CNP: variants seen among roughly 807,000 people sequenced by gnomAD.
CNP encodes 2',3'-cyclic nucleotide 3' phosphodiesterase.
Under a neutral mutation model 37.9 loss-of-function variants are expected in CNP, and 8 were observed. That is an observed-to-expected ratio of 0.21 (90% CI 0.12 to 0.38). The LOEUF is 0.38. Among genes scored for constraint, CNP ranks in the 10% least tolerant of loss-of-function variants. The pLI is 1.00. For synonymous variants in CNP, 237 were observed against 238.3 expected (o/e 0.99, Z 0.05); for missense variants, 457 against 551.0 (o/e 0.83, Z 1.71).
chr17:41,967,691 A>G (rs2050922314), intron 1 of CNP: 1 of 1,041,432 alleles, frequency 9.6e-7, no homozygotes, highest in Non-Finnish European at 1.2e-6. Context: ...CTGTGCACTC[A>G]GCCGTGGCAG....
rs1288303750 is a variant in CNP at position 41,976,824 on chromosome 17, A to G, written c.*2900A>G. On this transcript the variant is annotated 3_prime_UTR_variant, in exon 4 of 4. Coordinates refer to ENST00000393892, the MANE Select transcript of CNP (RefSeq NM_033133.5). The stretch of plus-strand genomic sequence containing the variant: ...GGCTATGGATTTTCTAAGGAAGATC[A>G]CTTTGCTCTGATTATGGAAAAGTCT... 1.9e-6 allele frequency: 3 copies of G among 1,591,322 alleles called. No individual in the cohort carries two copies. Among genetic ancestry groups the G allele is most frequent in the Admixed American group, 3.9e-5 (2 of 51,932 alleles).
In CNP at chr17:41,968,723, A is replaced by G. The variant is rs1555643333; in HGVS notation, c.659A>G (p.Lys220Arg). 1 of 1,610,950 alleles carries G rather than the reference A, an allele frequency of 6.2e-7. No individual in the cohort carries two copies. Among genetic ancestry groups the G allele is most frequent in the Non-Finnish European group, 8.5e-7 (1 of 1,177,894 alleles). The change falls in exon 2 of 4, where the codon AAG (lysine) becomes AGG (arginine). Residue 220 changes from lysine to arginine, a missense_variant. Physicochemically the swap from Lys to Arg is conservative, Grantham distance 26. Coordinates refer to ENST00000393892, the MANE Select transcript of CNP (RefSeq NM_033133.5). The surrounding 1 kb of genome is among the most constrained non-coding windows in gnomAD (Gnocchi z 4.8). ...LEELGNHKAF[K>R]KELRQFVPGD... ...GAGCTGGGGAACCACAAGGCCTTCA[A>G]GAAGGAGCTGCGACAATGTAGGTGG...
chr17:41,966,867 G>T lies in CNP; in HGVS notation c.-18G>T. ...GCTGGTGCCGGCAGAGGCGGCGACG[G>T]TGGCGCCCCTCCTCATCATGGTGAG... On this transcript the variant is annotated 5_prime_UTR_variant, in exon 1 of 4. Coordinates refer to ENST00000393892, the MANE Select transcript of CNP (RefSeq NM_033133.5). 7.3e-7 allele frequency: 1 copy of T among 1,362,034 alleles called. No individual in the cohort carries two copies. The highest frequency in any genetic ancestry group is 9.4e-7 in the Non-Finnish European group (1 of 1,058,926). 84.4% of individuals were successfully genotyped at this position (1,362,034 alleles called of 1,614,324 possible).
chr17:41,968,671 C>A lies in CNP; in HGVS notation c.607C>A (p.Arg203Ser), dbSNP rs372512737. The A allele has an allele frequency of 1.2e-6, 2 of 1,614,084 alleles. No homozygotes were observed. Among genetic ancestry groups the A allele is most frequent in the South Asian group, 2.2e-5 (2 of 91,076 alleles). ...GACCAAGAAGAGCTCTGAGACCCTC[C>A]GCAAAGCCGGCCAGGTCTTCCTGGA... Reference protein sequence around the residue: ...FLTKKSSETLRKAGQVFLEEL... With the variant: ...FLTKKSSETLSKAGQVFLEEL... The change falls in exon 2 of 4, where the codon CGC becomes AGC. Residue 203 changes from arginine to serine, a missense_variant. This residue lies in a region of CNP where 291 missense variants were observed against 291.7 expected (regional missense o/e 1.00). Coordinates refer to ENST00000393892, the MANE Select transcript of CNP (RefSeq NM_033133.5). The surrounding 1 kb of genome is among the most constrained non-coding windows in gnomAD (Gnocchi z 4.8).
Position 41,973,603 on chromosome 17 carries a change from C to A in CNP, c.945C>A (p.Asp315Glu). 1 of 1,614,204 alleles carries A rather than the reference C, an allele frequency of 6.2e-7. No individual in the cohort carries two copies. ...QQLQLWPSDV[D>E]KLSPTDNLPR... The stretch of plus-strand genomic sequence containing the variant: ...TGCAGTTGTGGCCGAGTGATGTGGA[C>A]AAGCTGTCACCCACTGACAACCTGC... The change falls in exon 4 of 4, where the codon GAC (aspartate) becomes GAA (glutamate). Residue 315 changes from aspartate (D) to glutamate (E), a missense_variant. Around this residue, in one of 2 missense-constraint regions of CNP, gnomAD observed 291 missense variants for 291.7 expected, o/e 1.00. Transcript: ENST00000393892.
chr17:41,969,776 G>C (rs1384943299), intron 2 of CNP, among the ~76,000 whole-genome samples: 1 of 151,890 alleles, frequency 6.6e-6, no homozygotes, highest in Admixed American at 6.5e-5. Context: ...GGCTGGTATT[G>C]AACTCCTGAC....
In CNP at chr17:41,968,717, C is replaced by A. The variant is rs368519950; in HGVS notation, c.653C>A (p.Ala218Asp). ...CTGGAAGAGCTGGGGAACCACAAGG[C>A]CTTCAAGAAGGAGCTGCGACAATGT... ...VFLEELGNHK[A>D]FKKELRQFVP... The change falls in exon 2 of 4, where the codon GCC (alanine) becomes GAC (aspartate). Residue 218 changes from alanine (A) to aspartate (D), a missense_variant. This residue lies in a region of CNP where 291 missense variants were observed against 291.7 expected (regional missense o/e 1.00). Transcript: ENST00000393892. The surrounding 1 kb of genome is among the most constrained non-coding windows in gnomAD (Gnocchi z 4.8). 3 of 1,611,192 alleles carry A rather than the reference C, an allele frequency of 1.9e-6. No individual in the cohort carries two copies. Among genetic ancestry groups the A allele is most frequent in the Non-Finnish European group, 2.5e-6 (3 of 1,178,148 alleles).
At position 41,972,966 on chromosome 17, in the gene CNP, G is replaced by A. The variant is rs541788690; in HGVS notation, c.817-509G>A. 1.3e-4 allele frequency among the ~76,000 whole-genome samples: 20 copies of A among 152,318 alleles called. 1 individual carries two copies. The South Asian group carries it at 4.1e-3, about 32-fold the overall frequency. ...AGTGTAAGAGCAGGTTTCCATCAAGGGCGAGTCTGACCTCAGTCTGACCTC... is the reference window on the plus strand; with the variant it reads ...AGTGTAAGAGCAGGTTTCCATCAAGAGCGAGTCTGACCTCAGTCTGACCTC... On this transcript the variant is annotated intron_variant, in intron 3 of 3. Transcript: ENST00000393892.
chr17:41,976,652 A>G lies in CNP; in HGVS notation c.*2728A>G, dbSNP rs1350606698. Reference sequence around the variant, plus strand: ...CTCTAAGCACACGGAGACGTGATGAAGGGAGGAGGTGAACTGTTTCCACAT... The same window carrying G: ...CTCTAAGCACACGGAGACGTGATGAGGGGAGGAGGTGAACTGTTTCCACAT... On this transcript the variant is annotated 3_prime_UTR_variant, in exon 4 of 4. Coordinates refer to ENST00000393892, the MANE Select transcript of CNP (RefSeq NM_033133.5). 2 of 1,553,918 alleles carry G rather than the reference A, an allele frequency of 1.3e-6. No individual in the cohort carries two copies. The highest frequency in any genetic ancestry group is 1.8e-6 in the Non-Finnish European group (2 of 1,141,950).
In CNP at chr17:41,973,808, C is replaced by G; in HGVS notation, c.1150C>G (p.Leu384Val). The change falls in exon 4 of 4, where the codon CTG (leucine) becomes GTG (valine). Residue 384 changes from leucine to valine, a missense_variant. Coordinates refer to ENST00000393892, the MANE Select transcript of CNP (RefSeq NM_033133.5). ...SLGNGRWMLT[L>V]AKNMEVRAIF... is the part of the protein sequence containing the mutation. ...GGGCAATGGGCGCTGGATGCTGACC[C>G]TGGCCAAGAACATGGAGGTCAGGGC... The G allele has an allele frequency of 1.2e-6, 2 of 1,612,314 alleles. No individual in the cohort carries two copies. The highest frequency in any genetic ancestry group is 1.7e-6 in the Non-Finnish European group (2 of 1,179,088).
Position 41,966,854 on chromosome 17 carries a change from A to G in CNP, c.-31A>G. ...GCGGCCCCGGAGCGCTGGTGCCGGC[A>G]GAGGCGGCGACGGTGGCGCCCCTCC... On this transcript the variant is annotated 5_prime_UTR_variant, in exon 1 of 4. Coordinates refer to ENST00000393892, the MANE Select transcript of CNP (RefSeq NM_033133.5). The G allele has an allele frequency of 1.5e-6, 2 of 1,368,510 alleles. No homozygotes were observed. Among genetic ancestry groups the G allele is most frequent in the Non-Finnish European group, 1.9e-6 (2 of 1,062,138 alleles). The allele number at this position is 1,368,510 out of a possible 1,614,324, so 84.8% of individuals were successfully genotyped here. A position where few individuals can be genotyped will look rare whatever the true frequency, so the allele number is the denominator to read the frequency against.
Position 41,976,782 on chromosome 17 carries a change from AAG to A in CNP, c.*2861_*2862del, listed in dbSNP as rs782218662. On this transcript the variant is annotated 3_prime_UTR_variant, in exon 4 of 4. Coordinates refer to ENST00000393892, the MANE Select transcript of CNP (RefSeq NM_033133.5). ...CCCTGGACCAGATGCTGAAAGAGAA[AAG>A]AGGGGTTGGTAGTTGGCTATGGATT... The A allele has an allele frequency of 3.1e-6, 5 of 1,609,992 alleles. No individual in the cohort carries two copies. The highest frequency in any genetic ancestry group is 2.2e-5 in the East Asian group (1 of 44,818).
At chr17:41,971,828 C>G in intron 2 of CNP, 64 bp from the exon 3 acceptor site, 2 of 1,597,868 alleles carry the variant, frequency 1.3e-6, no homozygotes, top group Admixed American at 1.7e-5. Context: ...CTCGGTGGTC[C>G]TGGTGGCGGA....
chr17:41,968,056 C>T lies in CNP; in HGVS notation c.4-12C>T. ...ATGACCTGGGCTGACATCTCTTCCC[C>T]TCCTTACACAGAACAGAGGCTTCTC... is the stretch of plus-strand genomic sequence containing the variant. On this transcript the variant is annotated splice_polypyrimidine_tract_variant and intron_variant, in intron 1 of 3. Transcript: ENST00000393892. This position sits in a 1 kb window ranked among gnomAD's most constrained non-coding sequence, Gnocchi z 4.8. 2 of 1,602,288 alleles carry T rather than the reference C, an allele frequency of 1.2e-6. No homozygotes were observed. The highest frequency in any genetic ancestry group is 1.3e-5 in the African/African-American group (1 of 74,866).
chr17:41,967,921 G>T, intron 1 of CNP, 147 bp from the exon 2 acceptor site: 1 of 1,463,040 alleles, frequency 6.8e-7, no homozygotes, highest in Non-Finnish European at 9.0e-7. Context: ...GACCAGAAGC[G>T]GAAAGGTGCT....
rs1312854464 is a variant in CNP at position 41,967,933 on chromosome 17, C to T, written c.4-135C>T. ...CACGACCAGAAGCGGAAAGGTGCTC[C>T]CGGACCGAAAGGGAAAGAAGGTCCA... On this transcript the variant is annotated intron_variant, in intron 1 of 3. Coordinates refer to ENST00000393892, the MANE Select transcript of CNP (RefSeq NM_033133.5). 4.7e-6 allele frequency: 7 copies of T among 1,479,254 alleles called. No homozygotes were observed. In the African/African-American group the frequency reaches 9.9e-5, roughly 21 times the overall value. The allele number at this position is 1,479,254 out of a possible 1,614,324, so 91.6% of individuals were successfully genotyped here.
In CNP at chr17:41,973,823, G is replaced by A. The variant is rs782433845; in HGVS notation, c.1165G>A (p.Glu389Lys). The A allele has an allele frequency of 6.2e-7, 1 of 1,612,086 alleles. No homozygotes were observed. The highest frequency in any genetic ancestry group is 1.1e-5 in the South Asian group (1 of 90,798). ...RWMLTLAKNM[E>K]VRAIFTGYYG... is the part of the protein sequence containing the mutation. ...GATGCTGACCCTGGCCAAGAACATG[G>A]AGGTCAGGGCCATCTTCACGGGGTA... Residue 389 changes from glutamate (E) to lysine (K), a missense_variant, in exon 4 of 4, where the codon GAG (glutamate) becomes AAG (lysine). Transcript: ENST00000393892.
In CNP at chr17:41,971,896, C is replaced by A. The variant is rs782787488; in HGVS notation, c.681C>A (p.Val227=). 6.2e-7 allele frequency: 1 copy of A among 1,613,620 alleles called. No homozygotes were observed. Among genetic ancestry groups the A allele is most frequent in the South Asian group, 1.1e-5 (1 of 91,036 alleles). The part of the protein sequence containing the change: ...KAFKKELRQF[V]PGDEPREKMD... The stretch of plus-strand genomic sequence containing the variant: ...GCACCCGTTTTCTCCCGGCAGTCGT[C>A]CCTGGGGATGAGCCCAGGGAGAAGA... Residue 227 remains valine, a synonymous_variant, in exon 3 of 4, where the codon GTC becomes GTA. Coordinates refer to ENST00000393892, the MANE Select transcript of CNP (RefSeq NM_033133.5).
chr17:41,968,334 C>T lies in CNP; in HGVS notation c.270C>T (p.Pro90=), dbSNP rs782619997. 6.7e-5 allele frequency: 108 copies of T among 1,613,970 alleles called. No homozygotes were observed. The highest frequency in any genetic ancestry group is 8.2e-5 in the Non-Finnish European group (97 of 1,180,010). Residue 90 remains proline (P), a synonymous_variant, in exon 2 of 4, where the codon CCC becomes CCT. Coordinates refer to ENST00000393892, the MANE Select transcript of CNP (RefSeq NM_033133.5). This position sits in a 1 kb window ranked among gnomAD's most constrained non-coding sequence, Gnocchi z 4.8. ...MVSADAYKIT[P]GARGAFSEEY... ...CGGCTGACGCTTACAAGATCACCCC[C>T]GGCGCTCGAGGAGCCTTCTCCGAGG... is the stretch of plus-strand genomic sequence containing the variant.
Sources: allele counts gnomAD v4.1 joint callset (sites outside exome capture counted in the v4.1 genomes callset), GRCh38; gene constraint gnomAD v4.1.1; regional missense constraint gnomAD v4.1.1; non-coding constraint Gnocchi (gnomAD v3.1); transcripts MANE v1.5; gene names NCBI Gene and HGNC (gene_info 2026-07-23, HGNC 2026-07-21).